Variants in RHEBL1 observed in about 807,000 individuals in gnomAD.
RHEBL1 encodes the protein GTPase RhebL1.
A neutral mutation model predicts 27.4 loss-of-function variants in RHEBL1; 22 were observed. That is an observed-to-expected ratio of 0.80 (90% confidence interval 0.57 to 1.15). The LOEUF is 1.15. Among genes scored for constraint, RHEBL1 ranks in the 50% most tolerant of loss-of-function variants. RHEBL1 has a pLI of 0.00. For missense variants in RHEBL1, 186 were observed against 226.5 expected (o/e 0.82, Z 1.15); for synonymous variants, 85 against 80.8 (o/e 1.05, Z -0.28).
In RHEBL1 at chr12:49,066,203, T is replaced by C. The variant is rs1263488794; in HGVS notation, c.380+28A>G. ...GATTCCCAGTCCATTTCACTTCCTT[T>C]TGCTCTGAGTAGCAGAGATTTACAT... On this transcript the variant is annotated intron_variant, in intron 6 of 7. Coordinates refer to ENST00000301068, the MANE Select transcript of RHEBL1 (RefSeq NM_144593.3). 3 of 1,600,126 alleles carry C rather than the reference T, an allele frequency of 1.9e-6. No homozygotes were observed. In the South Asian group the frequency reaches 3.3e-5, roughly 18 times the overall value.
chr12:49,069,538 C>G (rs917968765), intron 1 of RHEBL1, among the ~76,000 whole-genome samples, 196 bp downstream of exon 1: 11 of 152,168 alleles, frequency 7.2e-5, no homozygotes, highest in Non-Finnish European at 1.3e-4. Flanking sequence ...CTTAAGTGCT[C>G]CCGCTTCCTG....
intron 5 of RHEBL1, 92 bp from the exon 6 acceptor site, chr12:49,066,370 G>A (rs1041071947): frequency 6.5e-7 from 1 of 1,547,330 alleles, no homozygotes. Context: ...TATCAGACCA[G>A]GCAGGATCTA....
chr12:49,066,869 A>T, intron 3 of RHEBL1, 99 bp downstream of exon 3: 2 of 1,136,480 alleles, frequency 1.8e-6, no homozygotes, highest in Non-Finnish European at 2.7e-6. Flanking sequence ...AGCAGGTAAA[A>T]TGCTTTTAAT....
chr12:49,067,058 CT>C, intron 2 of RHEBL1, 23 bp from the exon 3 acceptor site: 2 of 1,576,482 alleles, frequency 1.3e-6, no homozygotes, highest in Non-Finnish European at 1.7e-6. Flanking sequence ...GAAAACTTGA[CT>C]GTGAAGTGCC....
rs1938970054 is a variant in RHEBL1 at position 49,064,898 on chromosome 12, A to G, written c.*205T>C. The G allele has an allele frequency of 1.7e-6, 1 of 587,100 alleles. No homozygotes were observed. The highest frequency in any genetic ancestry group is 3.0e-6 in the Non-Finnish European group (1 of 328,008). 36.4% of individuals were successfully genotyped at this position (587,100 alleles called of 1,614,324 possible). ...AGAGGGCTAGAGGCCAGTGTCCATGAGAGGTCCTTGCCCCTTTGTAAACAT... is the reference window on the plus strand; with the variant it reads ...AGAGGGCTAGAGGCCAGTGTCCATGGGAGGTCCTTGCCCCTTTGTAAACAT... On this transcript the variant is annotated 3_prime_UTR_variant, in exon 8 of 8. Coordinates refer to ENST00000301068, the MANE Select transcript of RHEBL1 (RefSeq NM_144593.3).
chr12:49,066,164 A>T, intron 6 of RHEBL1, 67 bp downstream of exon 6: 1 of 1,290,980 alleles, frequency 7.7e-7, no homozygotes, highest in Non-Finnish European at 1.1e-6. Flanking sequence ...AAGAGCCAGG[A>T]TGAGAGCCTG....
intron 2 of RHEBL1, among the ~76,000 whole-genome samples, chr12:49,068,721 C>T (rs1939038707): frequency 2.6e-5 from 4 of 152,210 alleles, no homozygotes; most frequent in Admixed American, 2.6e-4. Flanking sequence ...CAGGCATGAG[C>T]CACTGCGCCC....
chr12:49,066,094 TCTTC>T, intron 6 of RHEBL1, 133 bp downstream of exon 6: 1 of 675,916 alleles, frequency 1.5e-6, no homozygotes, highest in Admixed American at 2.5e-5. Context: ...AGAAGTATTA[TCTTC>T]CTTAAGCTTC....
At chr12:49,068,908 G>A (rs1422334682) in intron 2 of RHEBL1, 127 bp downstream of exon 2, 3 of 992,666 alleles carry the variant, frequency 3.0e-6, no homozygotes, top group Non-Finnish European at 4.5e-6. Flanking sequence ...TGCTAAAGAA[G>A]AAATCAGATG....
chr12:49,064,835 G>A lies in RHEBL1; in HGVS notation c.*268C>T. 2.1e-6 allele frequency: 1 copy of A among 465,278 alleles called. No homozygotes were observed. Among genetic ancestry groups the A allele is most frequent in the East Asian group, 3.6e-5 (1 of 27,534 alleles). 28.8% of individuals were successfully genotyped at this position (465,278 alleles called of 1,614,324 possible). A position where few individuals can be genotyped will look rare whatever the true frequency, so the allele number is the denominator to read the frequency against. The stretch of plus-strand genomic sequence containing the variant: ...AAATAATGCCCAGGACTCATATCCT[G>A]ACCCCATAGGTTATAACAGAATTCA... On this transcript the variant is annotated 3_prime_UTR_variant, in exon 8 of 8. Coordinates refer to ENST00000301068, the MANE Select transcript of RHEBL1 (RefSeq NM_144593.3).
Position 49,064,965 on chromosome 12 carries a change from T to A in RHEBL1, c.*138A>T. 1 of 658,962 alleles carries A rather than the reference T, an allele frequency of 1.5e-6. No individual in the cohort carries two copies. The highest frequency in any genetic ancestry group is 2.7e-6 in the Non-Finnish European group (1 of 366,828). 40.8% of individuals were successfully genotyped at this position (658,962 alleles called of 1,614,324 possible). On this transcript the variant is annotated 3_prime_UTR_variant, in exon 8 of 8. Transcript: ENST00000301068. Reference sequence around the variant, plus strand: ...GGAGCCTGGGGAAAGTGTGCAAACATGAGGATGCCACACTGTGTGTCCAGG... The same window carrying A: ...GGAGCCTGGGGAAAGTGTGCAAACAAGAGGATGCCACACTGTGTGTCCAGG...
intron 6 of RHEBL1, 70 bp from the exon 7 acceptor site, chr12:49,065,501 A>G (rs1388327016): frequency 7.6e-7 from 1 of 1,308,934 alleles, no homozygotes; most frequent in African/African-American, 1.4e-5. Flanking sequence ...AATCTTCAGA[A>G]TCAAGACTTC....
chr12:49,068,122 C>CTTTTT (rs56250975), intron 2 of RHEBL1, among the ~76,000 whole-genome samples: 12 of 144,914 alleles, frequency 8.3e-5, no homozygotes, highest in African/African-American at 1.0e-4. Flanking sequence ...TCTTTTTATT[C>CTTTTT]TTTTTTTTTT....
At chr12:49,066,749 TGGCAAAGGTTGGTGG>T (rs1473756019) in intron 3 of RHEBL1, 48 bp from the exon 4 acceptor site, 2 of 1,549,032 alleles carry the variant, frequency 1.3e-6, no homozygotes, top group Admixed American at 3.3e-5. Context: ...ACCACTAAGA[TGGCAAAGGTTGGTGG>T]GACAACATCC....
chr12:49,066,587 C>T (rs1482691177), intron 4 of RHEBL1, 32 bp downstream of exon 4: 3 of 1,613,416 alleles, frequency 1.9e-6, no homozygotes, highest in Admixed American at 1.7e-5. Context: ...CAGGTTCTCC[C>T]AAGTCCCGCA....
intron 1 of RHEBL1, 155 bp from the exon 2 acceptor site, chr12:49,069,261 C>T (rs1440672466): frequency 7.6e-7 from 1 of 1,317,248 alleles, no homozygotes; most frequent in Non-Finnish European, 1.0e-6. Flanking sequence ...TCTACCCTCA[C>T]CCTCTTTTCA....
rs892794297 is a variant in RHEBL1, at chr12:49,069,350, A to C, written c.53-244T>G. Among the ~76,000 whole-genome samples the C allele has an allele frequency of 4.0e-5, 6 of 150,916 alleles. No homozygotes were observed. The East Asian group carries it at 7.8e-4, about 20-fold the overall frequency. On this transcript the variant is annotated intron_variant, in intron 1 of 7. Transcript: ENST00000301068. ...CCTTTCCCGCCGCCTTCCCCACCCC[A>C]TCCCACTCGTAGGAAGATCCAAGAT...
intron 1 of RHEBL1, 67 bp from the exon 2 acceptor site, chr12:49,069,173 G>A: frequency 6.2e-7 from 1 of 1,612,796 alleles, no homozygotes; most frequent in Non-Finnish European, 8.5e-7. Flanking sequence ...TGTCCTTTCG[G>A]ACTGTGGCCC....
chr12:49,068,086 C>T (rs1442729397), intron 2 of RHEBL1, among the ~76,000 whole-genome samples: 1 of 151,774 alleles, frequency 6.6e-6, no homozygotes, highest in African/African-American at 2.4e-5. Flanking sequence ...TTATCTTCAT[C>T]CCTCCCACTC....
Sources: gnomAD v4.1 joint callset for allele counts (sites outside exome capture counted in the v4.1 genomes callset) on GRCh38, gnomAD v4.1.1 for gene constraint, MANE v1.5 for transcripts, NCBI Gene and HGNC (gene_info 2026-07-23, HGNC 2026-07-21) for gene names.